Variants in CSMD1 observed in about 807,000 individuals in gnomAD.
CSMD1 encodes CUB and Sushi multiple domains 1.
In CSMD1, 213 loss-of-function variants were observed where a neutral mutation model predicts 417.5. The observed-to-expected ratio is 0.51, with a 90% CI of 0.46 to 0.57. The LOEUF (loss-of-function observed/expected upper bound fraction) is 0.57, where lower values mean the gene tolerates loss of function less well. Ranked by LOEUF, CSMD1 falls within the 20% of genes least tolerant of loss-of-function variation. The pLI, the probability that CSMD1 is intolerant of heterozygous loss-of-function variation, is 0.00. For missense variants in CSMD1, 6,923 were observed against 4,529.7 expected (o/e 1.53, Z -15.17); for synonymous variants, 2,862 against 1,736.8 (o/e 1.65, Z -16.11).
chr8:4,801,987 A>T (rs1026218815), intron 1 of CSMD1, among the ~76,000 whole-genome samples: 1 of 152,182 alleles, frequency 6.6e-6, no homozygotes, highest in Admixed American at 6.5e-5. Context: ...CCATCATTGA[A>T]GCAAGGCTCA....
intron 52 of CSMD1, among the ~76,000 whole-genome samples, chr8:3,010,175 C>A (rs1808271770): frequency 6.6e-6 from 1 of 152,144 alleles, no homozygotes; most frequent in African/African-American, 2.4e-5. Context: ...ATACAGGAGG[C>A]AAAGATCTCC....
At chr8:3,686,230 C>T (rs981393488) in intron 7 of CSMD1, among the ~76,000 whole-genome samples, 1 of 152,156 alleles carries the variant, frequency 6.6e-6, no homozygotes, top group Non-Finnish European at 1.5e-5. Flanking sequence ...CCTTGAGTTA[C>T]TGACTTCGTG....
chr8:4,055,585 G>C (rs987709013), intron 3 of CSMD1, among the ~76,000 whole-genome samples: 24 of 150,502 alleles, frequency 1.6e-4, no homozygotes, highest in African/African-American at 3.5e-4. Flanking sequence ...AATCAGCTAA[G>C]ATTTAATAAC....
intron 5 of CSMD1, among the ~76,000 whole-genome samples, chr8:3,989,865 A>C (rs1160834439): frequency 6.6e-6 from 1 of 152,220 alleles, no homozygotes; most frequent in Non-Finnish European, 1.5e-5. Context: ...ATAGGATTGC[A>C]CAAAATTACC....
At chr8:4,588,357 G>C (rs1426257605) in intron 2 of CSMD1, among the ~76,000 whole-genome samples, 2 of 142,846 alleles carry the variant, frequency 1.4e-5, no homozygotes, top group East Asian at 4.1e-4. Context: ...GCACACACTG[G>C]CTATGCTATC....
chr8:3,620,345 G>T (rs928440041), intron 7 of CSMD1, among the ~76,000 whole-genome samples: 2 of 150,920 alleles, frequency 1.3e-5, no homozygotes, highest in African/African-American at 4.9e-5. Context: ...AAAAGAAAAG[G>T]GTCCCTAGTA....
chr8:3,630,364 C>G (rs758746451), intron 7 of CSMD1, among the ~76,000 whole-genome samples: 14 of 152,140 alleles, frequency 9.2e-5, no homozygotes, highest in Non-Finnish European at 1.9e-4. Flanking sequence ...ACAGCAGAAG[C>G]CAAGCCCTCA....
intron 3 of CSMD1, among the ~76,000 whole-genome samples, chr8:4,048,703 T>G (rs1029109209): frequency 6.6e-6 from 1 of 152,198 alleles, no homozygotes; most frequent in Non-Finnish European, 1.5e-5. Flanking sequence ...CCTGACACAT[T>G]TGGGTGCATT....
intron 1 of CSMD1, among the ~76,000 whole-genome samples, chr8:4,837,245 G>A (rs554439303): frequency 6.8e-6 from 1 of 148,076 alleles, no homozygotes; most frequent in East Asian, 2.0e-4. Context: ...ATCTAGTTGG[G>A]CATATACCCC....
In CSMD1 at chr8:4,697,434, G is replaced by C. The variant is rs192641593; in HGVS notation, c.86-59876C>G. Among the ~76,000 whole-genome samples the C allele has an allele frequency of 2.3e-3, 347 of 152,162 alleles. 2 individuals carry two copies. Among genetic ancestry groups the C allele is most frequent in the African/African-American group, 8.0e-3 (331 of 41,512 alleles). ...AGTGTATTTGGGCATGCTCATATTT[G>C]CTTACAGAGGCAAGTTCAATACGTA... On this transcript the variant is annotated intron_variant, in intron 1 of 69. Transcript: ENST00000635120.
At chr8:3,442,494 G>T (rs59495626) in intron 12 of CSMD1, among the ~76,000 whole-genome samples, 1 of 151,902 alleles carries the variant, frequency 6.6e-6, no homozygotes, top group Non-Finnish European at 1.5e-5. Context: ...ACATATGTTC[G>T]ATACACAAAT....
Position 4,760,520 on chromosome 8 carries a change from T to C in CSMD1, c.86-122962A>G, listed in dbSNP as rs546933269. The stretch of plus-strand genomic sequence containing the variant: ...TAATTTCCCAATCAATAGAAAGCTT[T>C]TAAATTTGAATATTCTTTAGACATA... On this transcript the variant is annotated intron_variant, in intron 1 of 69. Transcript: ENST00000635120. Among the ~76,000 whole-genome samples, 4 of 152,324 alleles carry C rather than the reference T, an allele frequency of 2.6e-5. No homozygotes were observed. In the East Asian group the frequency reaches 7.7e-4, roughly 29 times the overall value.
intron 2 of CSMD1, among the ~76,000 whole-genome samples, chr8:4,542,942 C>G (rs779220504): frequency 1.3e-5 from 2 of 152,060 alleles, no homozygotes; most frequent in Non-Finnish European, 2.9e-5. Context: ...TGCCTCCATA[C>G]AGTTATAATC....
chr8:4,625,773 G>C (rs1802064750), intron 2 of CSMD1, among the ~76,000 whole-genome samples: 2 of 152,120 alleles, frequency 1.3e-5, no homozygotes, highest in Non-Finnish European at 2.9e-5. Flanking sequence ...GCCCAGGTTG[G>C]AGTGCCGTGG....
chr8:4,430,878 T>G (rs1451868387), intron 2 of CSMD1, among the ~76,000 whole-genome samples: 1 of 152,176 alleles, frequency 6.6e-6, no homozygotes, highest in African/African-American at 2.4e-5. Flanking sequence ...TTCTGTGTGA[T>G]CAGCACCAGC....
intron 2 of CSMD1, among the ~76,000 whole-genome samples, chr8:4,496,287 T>A (rs190209104): frequency 1.7e-4 from 26 of 152,272 alleles, no homozygotes; most frequent in Admixed American, 6.5e-4. Context: ...ATAAGGTGGA[T>A]TGAAGTGTGA....
chr8:3,734,003 G>A (rs947423798), intron 6 of CSMD1, among the ~76,000 whole-genome samples: 2 of 152,020 alleles, frequency 1.3e-5, no homozygotes, highest in African/African-American at 4.8e-5. Flanking sequence ...CGTGTGCAAG[G>A]GTGTGAGTGT....
At position 3,875,252 on chromosome 8, in the gene CSMD1, T is replaced by C. The variant is rs969649749; in HGVS notation, c.819-121210A>G. 4.6e-5 allele frequency among the ~76,000 whole-genome samples: 7 copies of C among 152,258 alleles called. No homozygotes were observed. In the South Asian group the frequency reaches 6.2e-4, roughly 14 times the overall value. ...GTCCTCATGATTTGAATTGAGACCA[T>C]AGCTGAGAAGAAGGATAAAAGGCAA... On this transcript the variant is annotated intron_variant, in intron 5 of 69. Transcript: ENST00000635120.
intron 5 of CSMD1, among the ~76,000 whole-genome samples, chr8:3,918,887 G>C (rs911954864): frequency 2.6e-5 from 4 of 151,960 alleles, no homozygotes; most frequent in African/African-American, 7.3e-5. Context: ...GGAAAGAATA[G>C]GAAGGGGGTG....
Sources: gnomAD v4.1 joint callset for allele counts (sites outside exome capture counted in the v4.1 genomes callset) on GRCh38, gnomAD v4.1.1 for gene constraint, MANE v1.5 for transcripts, NCBI Gene and HGNC (gene_info 2026-07-23, HGNC 2026-07-21) for gene names.